AOPEP: variants seen among roughly 807,000 people sequenced by gnomAD.
AOPEP encodes the protein aminopeptidase O.
Under a neutral mutation model 98.1 loss-of-function variants are expected in AOPEP, and 77 were observed. The observed-to-expected ratio is 0.78, with a 90% CI of 0.65 to 0.95. The LOEUF (loss-of-function observed/expected upper bound fraction) is 0.95, where lower values mean the gene tolerates loss of function less well. AOPEP is among the 40% of genes least tolerant of loss of function. The probability of loss-of-function intolerance (pLI) is 0.00; values close to 1 mark genes in which losing one functional copy is unlikely to be tolerated. For synonymous variants in AOPEP, 346 were observed against 365.3 expected (o/e 0.95, Z 0.60); for missense variants, 1,024 against 1,024.7 (o/e 1.00, Z 0.01).
At chr9:95,138,893 T>C in the AOPEP span, among the ~76,000 whole-genome samples, 7 of 152,238 alleles carry the variant, frequency 4.6e-5, no homozygotes, top group African/African-American at 1.7e-4. Flanking sequence ...TGTGTGTTAA[T>C]AGCTGTCTTT....
chr9:94,997,673 C>T (rs2061326431), intron 11 of AOPEP, among the ~76,000 whole-genome samples: 1 of 152,118 alleles, frequency 6.6e-6, no homozygotes, highest in Non-Finnish European at 1.5e-5. Context: ...GGCACCCTTA[C>T]ATCATTTTAT....
intron 5 of AOPEP, among the ~76,000 whole-genome samples, chr9:94,914,523 C>CGTGT (rs67826706): frequency 0.085 from 12,134 of 143,570 alleles, 712 homozygotes; most frequent in African/African-American, 0.17. Context: ...TGGCATTAGA[C>CGTGT]GTGTGTGTGT....
At chr9:94,870,075 G>T (rs1014968136) in intron 5 of AOPEP, among the ~76,000 whole-genome samples, 1 of 139,326 alleles carries the variant, frequency 7.2e-6, no homozygotes, top group Non-Finnish European at 1.5e-5. Context: ...TGCAACCTCC[G>T]CCTCCTGGGT....
the AOPEP span, among the ~76,000 whole-genome samples, chr9:95,094,321 C>T: frequency 6.6e-6 from 1 of 152,200 alleles, no homozygotes. Context: ...GATCTTAGTG[C>T]TTTTATTACA....
At chr9:94,871,060 C>G (rs1266754799) in intron 5 of AOPEP, among the ~76,000 whole-genome samples, 2 of 152,228 alleles carry the variant, frequency 1.3e-5, no homozygotes, top group East Asian at 3.8e-4. Flanking sequence ...GGTGTGGGCG[C>G]AGGCGCGACT....
intron 13 of AOPEP, among the ~76,000 whole-genome samples, chr9:95,008,982 T>C (rs1424377437): frequency 6.6e-6 from 1 of 152,252 alleles, no homozygotes; most frequent in Non-Finnish European, 1.5e-5. Context: ...ATTCTGATAC[T>C]CTTTTTTATT....
intron 5 of AOPEP, among the ~76,000 whole-genome samples, chr9:94,861,864 C>T (rs1438284059): frequency 1.3e-5 from 2 of 152,178 alleles, no homozygotes; most frequent in Non-Finnish European, 2.9e-5. Flanking sequence ...TTCTGAAGCA[C>T]GTTCTGCGAG....
At position 94,759,839 on chromosome 9, in the gene AOPEP, G is replaced by C; in HGVS notation, c.56G>C (p.Ser19Thr). 6.2e-7 allele frequency: 1 copy of C among 1,614,118 alleles called. No homozygotes were observed. Among genetic ancestry groups the C allele is most frequent in the Non-Finnish European group, 8.5e-7 (1 of 1,180,020 alleles). ...GACCTGCCTCTCATGGCCAACACCA[G>C]CCACATACTTGTGAAGCACTATGTA... Reference protein sequence around the residue: ...RDDLPLMANTSHILVKHYVLD... With the variant: ...RDDLPLMANTTHILVKHYVLD... Residue 19 changes from serine (S) to threonine (T), a missense_variant, in exon 2 of 17, where the codon AGC becomes ACC. Around this residue, in one of 3 missense-constraint regions of AOPEP, gnomAD observed 440 missense variants for 433.8 expected, o/e 1.01. Coordinates refer to ENST00000375315, the MANE Select transcript of AOPEP (RefSeq NM_001193329.3).
At chr9:94,732,837 T>G (rs1016327186) in intron 1 of AOPEP, among the ~76,000 whole-genome samples, 4 of 152,216 alleles carry the variant, frequency 2.6e-5, no homozygotes, top group African/African-American at 9.7e-5. Flanking sequence ...AGCATTACAT[T>G]CTGGCAGTTG....
At chr9:95,106,153 C>T in the AOPEP span, among the ~76,000 whole-genome samples, 11 of 152,192 alleles carry the variant, frequency 7.2e-5, no homozygotes, top group African/African-American at 2.2e-4. Context: ...TGCTGACAGC[C>T]ATCCTGATGG....
chr9:94,950,847 G>A (rs1230536017), intron 7 of AOPEP, among the ~76,000 whole-genome samples: 1 of 152,224 alleles, frequency 6.6e-6, no homozygotes, highest in Admixed American at 6.5e-5. Flanking sequence ...TGGGTATTCA[G>A]ACCCAGCTGA....
intron 13 of AOPEP, among the ~76,000 whole-genome samples, chr9:95,033,909 A>T (rs1168184452): frequency 6.6e-6 from 1 of 152,238 alleles, no homozygotes; most frequent in Non-Finnish European, 1.5e-5. Context: ...ATTTGGGGAT[A>T]CTGTGAAAAT....
chr9:94,977,400 C>G (rs1432892400), intron 10 of AOPEP, among the ~76,000 whole-genome samples: 1 of 152,102 alleles, frequency 6.6e-6, no homozygotes, highest in Non-Finnish European at 1.5e-5. Context: ...AGGCACAGGC[C>G]TGTTTTCTTC....
At chr9:95,041,504 GTACAA>G (rs1293921286) in intron 13 of AOPEP, among the ~76,000 whole-genome samples, 2 of 148,178 alleles carry the variant, frequency 1.3e-5, no homozygotes, top group African/African-American at 5.0e-5. Flanking sequence ...CACTAAAAAA[GTACAA>G]TAAGCCAGTT....
At chr9:95,012,737 A>T (rs890123214) in intron 13 of AOPEP, among the ~76,000 whole-genome samples, 5 of 152,124 alleles carry the variant, frequency 3.3e-5, no homozygotes, top group Admixed American at 6.5e-5. Context: ...TGCCCACAGA[A>T]GAGTTAAACT....
At chr9:94,727,551 A>G (rs553078673) in intron 1 of AOPEP, among the ~76,000 whole-genome samples, 1 of 152,362 alleles carries the variant, frequency 6.6e-6, no homozygotes, top group Admixed American at 6.5e-5. Flanking sequence ...CATATGGTTG[A>G]TAAAGAAATA....
At chr9:94,796,144 G>T (rs779920032) in intron 4 of AOPEP, among the ~76,000 whole-genome samples, 1 of 152,204 alleles carries the variant, frequency 6.6e-6, no homozygotes, top group Non-Finnish European at 1.5e-5. Flanking sequence ...AGCCAGTCAG[G>T]TAAGCTGGGG....
chr9:95,068,902 C>G (rs2068192362), intron 14 of AOPEP, among the ~76,000 whole-genome samples: 1 of 152,058 alleles, frequency 6.6e-6, no homozygotes, highest in Non-Finnish European at 1.5e-5. Context: ...CAGGATGCCC[C>G]CTTTGAGTGG....
intron 14 of AOPEP, among the ~76,000 whole-genome samples, chr9:95,066,621 A>G (rs974120384): frequency 2.6e-5 from 4 of 152,136 alleles, no homozygotes; most frequent in Non-Finnish European, 5.9e-5. Flanking sequence ...CTGTTTGCAC[A>G]GGGTTCAGCA....
Sources: gnomAD v4.1 joint callset for allele counts (sites outside exome capture counted in the v4.1 genomes callset) on GRCh38, gnomAD v4.1.1 for gene constraint, gnomAD v4.1.1 regional missense constraint, MANE v1.5 for transcripts, NCBI Gene and HGNC (gene_info 2026-07-23, HGNC 2026-07-21) for gene names.